Variants in SNX18 observed in about 807,000 individuals in gnomAD.
SNX18 encodes the protein sorting nexin-18.
In SNX18, 35 loss-of-function variants were observed where a neutral mutation model predicts 48.7. That is an observed-to-expected ratio of 0.72 (90% CI 0.55 to 0.95). SNX18 has a LOEUF of 0.95. SNX18 is among the 40% of genes least tolerant of loss of function. The pLI, the probability that SNX18 is intolerant of heterozygous loss-of-function variation, is 0.00. For missense variants in SNX18, 824 were observed against 871.0 expected (o/e 0.95, Z 0.68); for synonymous variants, 492 against 384.7 (o/e 1.28, Z -3.26).
At chr5:54,532,926 T>C (rs1270271209) in intron 1 of SNX18, among the ~76,000 whole-genome samples, 1 of 152,228 alleles carries the variant, frequency 6.6e-6, no homozygotes, top group African/African-American at 2.4e-5. Flanking sequence ...ATATTTGTAT[T>C]CAAACTGAAT....
the SNX18 span, among the ~76,000 whole-genome samples, chr5:54,597,460 T>C: frequency 1.6e-4 from 24 of 152,184 alleles, no homozygotes; most frequent in Admixed American, 1.4e-3. Context: ...TGGTACCACA[T>C]GACACTTACT....
intron 1 of SNX18, chr5:54,519,958 T>A: frequency 1.2e-6 from 1 of 827,938 alleles, no homozygotes; most frequent in Non-Finnish European, 1.9e-6. Context: ...CACTTAGTGG[T>A]GAGTTTCAAA....
At chr5:54,605,258 T>C in the SNX18 span, among the ~76,000 whole-genome samples, 1 of 152,162 alleles carries the variant, frequency 6.6e-6, no homozygotes. Context: ...TTCATAGTGG[T>C]AACATTTTAC....
At chr5:54,575,867 C>A in the SNX18 span, among the ~76,000 whole-genome samples, 1 of 152,130 alleles carries the variant, frequency 6.6e-6, no homozygotes, top group African/African-American at 2.4e-5. Flanking sequence ...GTGGCTTCCC[C>A]TCAGTTTCCT....
chr5:54,575,285 G>A, the SNX18 span, among the ~76,000 whole-genome samples: 1 of 151,514 alleles, frequency 6.6e-6, no homozygotes, highest in Non-Finnish European at 1.5e-5. Context: ...TTAAGAACAT[G>A]CCACCCCAAA....
the SNX18 span, among the ~76,000 whole-genome samples, chr5:54,591,675 C>G: frequency 6.6e-6 from 1 of 152,212 alleles, no homozygotes; most frequent in Admixed American, 6.5e-5. Flanking sequence ...ATCTTTTCTG[C>G]CCTTTCGAAG....
chr5:54,643,706 T>G, the SNX18 span: 1 of 152,244 alleles, frequency 6.6e-6, no homozygotes, highest in South Asian at 2.1e-4. Flanking sequence ...TTGTTGCTGA[T>G]GTGCACTTTC....
In SNX18 at chr5:54,518,568, C is replaced by T. The variant is rs920057148; in HGVS notation, c.616C>T (p.Arg206Cys). ...STRSDLSLGS[R>C]GGSVPPQHHP... ...GCGCTCCGACCTGTCCCTGGGTTCC[C>T]GCGGCGGCTCGGTCCCCCCGCAGCA... The change falls in exon 1 of 2, where the codon CGC becomes TGC. Residue 206 changes from arginine to cysteine, a missense_variant. Transcript: ENST00000381410. 1.9e-6 allele frequency: 3 copies of T among 1,579,324 alleles called. No individual in the cohort carries two copies. Among genetic ancestry groups the T allele is most frequent in the Non-Finnish European group, 2.6e-6 (3 of 1,163,786 alleles).
chr5:54,630,829 CAAAAAAAAAAA>C, the SNX18 span, among the ~76,000 whole-genome samples: 1 of 94,518 alleles, frequency 1.1e-5, no homozygotes. Context: ...AAGACTCAGT[CAAAAAAAAAAA>C]AAAAAAAAAA....
the SNX18 span, among the ~76,000 whole-genome samples, chr5:54,618,231 C>A: frequency 1.3e-5 from 2 of 152,202 alleles, no homozygotes; most frequent in African/African-American, 4.8e-5. Context: ...TTTGCTTCCC[C>A]TTCTGCTATG....
the SNX18 span, among the ~76,000 whole-genome samples, chr5:54,610,489 G>T: frequency 6.6e-6 from 1 of 152,202 alleles, no homozygotes; most frequent in Non-Finnish European, 1.5e-5. Flanking sequence ...GGCAGATGGA[G>T]AGTGATTTAC....
the SNX18 span, among the ~76,000 whole-genome samples, chr5:54,585,391 C>T: frequency 1.4e-3 from 186 of 137,404 alleles, no homozygotes; most frequent in Admixed American, 3.6e-3. Context: ...AACACAGAAT[C>T]ATGCAGCAGG....
the SNX18 span, among the ~76,000 whole-genome samples, chr5:54,608,719 G>A: frequency 7.2e-5 from 11 of 152,186 alleles, no homozygotes; most frequent in African/African-American, 2.2e-4. Flanking sequence ...AGTTGTGTAC[G>A]ACTGTAGCAG....
chr5:54,623,608 C>T, the SNX18 span, among the ~76,000 whole-genome samples: 1 of 152,138 alleles, frequency 6.6e-6, no homozygotes, highest in Non-Finnish European at 1.5e-5. Context: ...GTGATGTTCT[C>T]TATTCACAGC....
At chr5:54,595,040 T>C in the SNX18 span, among the ~76,000 whole-genome samples, 1 of 152,204 alleles carries the variant, frequency 6.6e-6, no homozygotes, top group Non-Finnish European at 1.5e-5. Context: ...CTGTGGTGTA[T>C]ATATACTACA....
At chr5:54,633,633 A>C in the SNX18 span, among the ~76,000 whole-genome samples, 2 of 152,220 alleles carry the variant, frequency 1.3e-5, no homozygotes, top group African/African-American at 4.8e-5. Flanking sequence ...CATAGGTACT[A>C]TAGGTGTATA....
At chr5:54,531,427 T>C (rs916968364) in intron 1 of SNX18, among the ~76,000 whole-genome samples, 6 of 152,150 alleles carry the variant, frequency 3.9e-5, no homozygotes, top group African/African-American at 1.4e-4. Flanking sequence ...CTTTTTCTTT[T>C]ATTGTGTTTT....
At chr5:54,570,060 C>T in the SNX18 span, among the ~76,000 whole-genome samples, 534 of 152,246 alleles carry the variant, frequency 3.5e-3, 5 homozygotes, top group Non-Finnish European at 6.0e-3. Flanking sequence ...AAAAACAGGG[C>T]CTTTGCCAAT....
chr5:54,552,340 G>A, the SNX18 span, among the ~76,000 whole-genome samples: 1 of 152,118 alleles, frequency 6.6e-6, no homozygotes, highest in Non-Finnish European at 1.5e-5. Context: ...TGGCCCAAGG[G>A]GTCTAAAGAG....
Sources: gnomAD v4.1 joint callset for allele counts (sites outside exome capture counted in the v4.1 genomes callset) on GRCh38, gnomAD v4.1.1 for gene constraint, MANE v1.5 for transcripts, NCBI Gene and HGNC (gene_info 2026-07-23, HGNC 2026-07-21) for gene names.